The following LRP1B variants were observed in gnomAD, a reference collection of about 807,000 sequenced individuals.
LRP1B encodes the protein low-density lipoprotein receptor-related protein 1B.
A neutral mutation model predicts 556.6 loss-of-function variants in LRP1B; 217 were observed. The observed-to-expected ratio is 0.39, with a 90% CI of 0.35 to 0.44. The LOEUF (loss-of-function observed/expected upper bound fraction) is 0.44, where lower values mean the gene tolerates loss of function less well. Ranked by LOEUF, LRP1B falls within the 20% of genes least tolerant of loss-of-function variation. The pLI, the probability that LRP1B is intolerant of heterozygous loss-of-function variation, is 1.00. For missense variants in LRP1B, 5,053 were observed against 5,620.8 expected (o/e 0.90, Z 3.23); for synonymous variants, 2,047 against 1,865.8 (o/e 1.10, Z -2.50).
At chr2:141,672,522 C>T (rs577384049) in intron 2 of LRP1B, among the ~76,000 whole-genome samples, 3 of 152,286 alleles carry the variant, frequency 2.0e-5, no homozygotes. Context: ...CAGGACTGAA[C>T]TTATAATGTT....
At chr2:141,933,938 C>G (rs901840327) in intron 1 of LRP1B, among the ~76,000 whole-genome samples, 5 of 151,868 alleles carry the variant, frequency 3.3e-5, no homozygotes, top group African/African-American at 9.7e-5. Context: ...CACAAGTCAT[C>G]ATGAGTAAGG....
At chr2:140,484,380 A>G (rs535036684) in intron 59 of LRP1B, among the ~76,000 whole-genome samples, 2 of 152,286 alleles carry the variant, frequency 1.3e-5, no homozygotes, top group Admixed American at 1.3e-4. Flanking sequence ...AGCAAAATCT[A>G]ATTGTTGCAT....
At position 140,974,945 on chromosome 2, in the gene LRP1B, C is replaced by G. The variant is rs77021405; in HGVS notation, c.2887+7215G>C. 1.4e-3 allele frequency among the ~76,000 whole-genome samples: 207 copies of G among 152,260 alleles called. 5 individuals carry two copies. The East Asian group carries it at 0.038, about 28-fold the overall frequency. On this transcript the variant is annotated intron_variant, in intron 18 of 90. Coordinates refer to ENST00000389484, the MANE Select transcript of LRP1B (RefSeq NM_018557.3). ...AGGCACTGATGAGATGTTTTTTCTG[C>G]AAGTGTTCTGGCCCTTTTACCTGTA...
At chr2:140,687,744 T>A (rs1686100428) in intron 41 of LRP1B, among the ~76,000 whole-genome samples, 1 of 152,142 alleles carries the variant, frequency 6.6e-6, no homozygotes, top group Non-Finnish European at 1.5e-5. Flanking sequence ...AACCCAAGAC[T>A]TTCATATACC....
chr2:140,668,071 G>A (rs1364794039), intron 41 of LRP1B, among the ~76,000 whole-genome samples: 1 of 152,072 alleles, frequency 6.6e-6, no homozygotes, highest in East Asian at 1.9e-4. Flanking sequence ...CCAGCACTTT[G>A]GGAGGCCGAG....
intron 55 of LRP1B, among the ~76,000 whole-genome samples, chr2:140,496,777 G>A (rs182471384): frequency 5.9e-5 from 9 of 152,062 alleles, no homozygotes; most frequent in South Asian, 2.1e-4. Context: ...AGTTGTCTTC[G>A]AATAAAGGAA....
intron 43 of LRP1B, among the ~76,000 whole-genome samples, chr2:140,597,378 C>A (rs1442202843): frequency 1.3e-5 from 2 of 151,974 alleles, no homozygotes; most frequent in Non-Finnish European, 2.9e-5. Flanking sequence ...ATACAAAAAT[C>A]AATTGAGGAG....
At chr2:140,828,542 G>A in intron 31 of LRP1B, among the ~76,000 whole-genome samples, 1 of 131,060 alleles carries the variant, frequency 7.6e-6, no homozygotes, top group Non-Finnish European at 1.6e-5. Flanking sequence ...CTGGGAGGCG[G>A]AGCTTGCAGT....
intron 3 of LRP1B, among the ~76,000 whole-genome samples, chr2:141,314,265 T>G (rs1686915750): frequency 6.6e-6 from 1 of 152,166 alleles, no homozygotes; most frequent in Non-Finnish European, 1.5e-5. Context: ...GTCCTTTGAA[T>G]ATAAGATATT....
intron 41 of LRP1B, among the ~76,000 whole-genome samples, chr2:140,640,383 C>CTTTT (rs70988414): frequency 0.038 from 1,824 of 48,520 alleles, 641 homozygotes; most frequent in East Asian, 0.058. Flanking sequence ...GTCCTGTTTT[C>CTTTT]TTTTTTTTTT....
chr2:141,828,152 G>A (rs192093041), intron 1 of LRP1B, among the ~76,000 whole-genome samples: 90 of 147,946 alleles, frequency 6.1e-4, no homozygotes, highest in Admixed American at 3.3e-3. Flanking sequence ...CATTTTTTTT[G>A]TTTCTTAAGG....
intron 35 of LRP1B, among the ~76,000 whole-genome samples, chr2:140,717,732 T>C (rs17513500): frequency 0.047 from 7,162 of 152,138 alleles, 253 homozygotes; most frequent in Middle Eastern, 0.095. Context: ...ACCAATAAAA[T>C]TTCCCTCTGG....
chr2:140,511,000 T>C (rs537894087), intron 51 of LRP1B, among the ~76,000 whole-genome samples: 40 of 149,928 alleles, frequency 2.7e-4, no homozygotes, highest in African/African-American at 8.8e-4. Flanking sequence ...CTAAATCTCT[T>C]TTTTTTTTTA....
At chr2:141,838,166 G>C (rs1307296437) in intron 1 of LRP1B, among the ~76,000 whole-genome samples, 1 of 152,068 alleles carries the variant, frequency 6.6e-6, no homozygotes, top group East Asian at 1.9e-4. Context: ...GAAATACAAA[G>C]CTATAATAAT....
chr2:141,744,888 A>G (rs1368828623), intron 2 of LRP1B, among the ~76,000 whole-genome samples: 1 of 152,142 alleles, frequency 6.6e-6, no homozygotes, highest in African/African-American at 2.4e-5. Flanking sequence ...TCTAAGCCGT[A>G]TTTGCATTAA....
At chr2:141,704,156 T>C (rs1692055011) in intron 2 of LRP1B, among the ~76,000 whole-genome samples, 1 of 151,980 alleles carries the variant, frequency 6.6e-6, no homozygotes, top group Non-Finnish European at 1.5e-5. Context: ...ATGTTCTTGG[T>C]GAATGACTTC....
At chr2:140,497,101 T>A (rs1688978448) in intron 55 of LRP1B, among the ~76,000 whole-genome samples, 1 of 151,912 alleles carries the variant, frequency 6.6e-6, no homozygotes, top group Non-Finnish European at 1.5e-5. Context: ...AACATCAATT[T>A]CATCTGAAAT....
Position 140,372,907 on chromosome 2 carries a change from A to G in LRP1B, c.10768+101T>C. 6 of 1,218,190 alleles carry G rather than the reference A, an allele frequency of 4.9e-6. No individual in the cohort carries two copies. The South Asian group carries it at 6.4e-5, about 13-fold the overall frequency. 75.5% of individuals were successfully genotyped at this position (1,218,190 alleles called of 1,614,324 possible). On this transcript the variant is annotated intron_variant, in intron 69 of 90. Transcript: ENST00000389484. Reference sequence around the variant, plus strand: ...AGACCCTTTCTTAAAAATGGTAAACATATGACATATTTGCCACTGTTTTCT... The same window carrying G: ...AGACCCTTTCTTAAAAATGGTAAACGTATGACATATTTGCCACTGTTTTCT...
At chr2:141,639,293 G>A (rs13428039) in intron 2 of LRP1B, among the ~76,000 whole-genome samples, 24,064 of 100,204 alleles carry the variant, frequency 0.24, 3,485 homozygotes, top group East Asian at 0.53. Context: ...CCAGGAGTAC[G>A]CATCATGTGT....
Sources: allele counts gnomAD v4.1 joint callset (sites outside exome capture counted in the v4.1 genomes callset), GRCh38; gene constraint gnomAD v4.1.1; transcripts MANE v1.5; gene names NCBI Gene and HGNC (gene_info 2026-07-23, HGNC 2026-07-21).